ZMAT5: variants seen among roughly 807,000 people sequenced by gnomAD.
The protein encoded by ZMAT5 is zinc finger matrin-type 5, also known as zinc finger matrin-type protein 5.
ZMAT5 carries 23 observed loss-of-function variants against 28.0 expected under a neutral mutation model. That is an observed-to-expected ratio of 0.82 (90% confidence interval 0.59 to 1.16). ZMAT5 has a LOEUF of 1.16. Ranked by LOEUF, ZMAT5 falls within the 50% of genes most tolerant of loss-of-function variation. ZMAT5 has a pLI of 0.00. For synonymous variants in ZMAT5, 76 were observed against 84.1 expected, an observed-to-expected ratio of 0.90 and a Z score of 0.52; for missense variants, 173 against 212.7, an observed-to-expected ratio of 0.81 and a Z score of 1.16.
In ZMAT5 at chr22:29,738,310, GGAACCCTGGGGACCT is replaced by G. The variant is rs1427649567; in HGVS notation, c.383+5_383+19del. 2.5e-6 allele frequency: 4 copies of G among 1,603,662 alleles called. No homozygotes were observed. The highest frequency in any genetic ancestry group is 3.3e-5 in the Admixed American group (2 of 59,944). On this transcript the variant is annotated splice_donor_5th_base_variant and intron_variant, in intron 5 of 5. Coordinates refer to ENST00000344318, the MANE Select transcript of ZMAT5 (RefSeq NM_001003692.2). ...TTGCCCCCAGGGGGCACAGCGGGAG[GGAACCCTGGGGACCT>G]GTACCTGCTACTTGGGGCTGAGCTC...
intron 1 of ZMAT5, among the ~76,000 whole-genome samples, chr22:29,761,690 GA>G (rs962498097): frequency 2.7e-5 from 4 of 150,390 alleles, no homozygotes; most frequent in Non-Finnish European, 5.9e-5. Flanking sequence ...CTGTAATATT[GA>G]AAAAAAAATG....
chr22:29,732,719 GAC>G (rs2067861798), intron 5 of ZMAT5, among the ~76,000 whole-genome samples: 1 of 137,446 alleles, frequency 7.3e-6, no homozygotes, highest in Non-Finnish European at 1.5e-5. Flanking sequence ...CAGCCTGGGC[GAC>G]AGAGCGAGAC....
chr22:29,758,450 TACAA>T (rs903102106), intron 1 of ZMAT5, among the ~76,000 whole-genome samples: 10 of 152,282 alleles, frequency 6.6e-5, no homozygotes, highest in African/African-American at 2.2e-4. Flanking sequence ...ACCCTATCTC[TACAA>T]ACAGTTTGTT....
rs201840010 is a variant in ZMAT5, at chr22:29,742,434, C to T, written c.174G>A (p.Arg58=). The T allele has an allele frequency of 8.1e-6, 13 of 1,613,328 alleles. No homozygotes were observed. In the South Asian group the frequency reaches 1.3e-4, roughly 16 times the overall value. Residue 58 remains arginine, a synonymous_variant, in exon 3 of 6, where the codon AGG becomes AGA. Transcript: ENST00000344318. ...LLDEQNKRPC[R]KFLLTGQCDF... ...GGACTTTACCTGTCAGTAGAAACTT[C>T]CTGCAGGGCCGCTTGTTCTGCTCAT...
intron 1 of ZMAT5, among the ~76,000 whole-genome samples, chr22:29,764,890 T>C (rs1420928765): frequency 1.3e-5 from 2 of 152,146 alleles, no homozygotes; most frequent in African/African-American, 4.8e-5. Context: ...CTGCCTTGGA[T>C]TCCCAAAACA....
chr22:29,745,448 G>A (rs1363057820), intron 2 of ZMAT5, among the ~76,000 whole-genome samples: 1 of 152,210 alleles, frequency 6.6e-6, no homozygotes, highest in East Asian at 1.9e-4. Context: ...CTAGGCAGAG[G>A]GGCCCTATTT....
Position 29,731,055 on chromosome 22 carries a change from G to A in ZMAT5, c.*170C>T, listed in dbSNP as rs540115769. 18 of 593,910 alleles carry A rather than the reference G, an allele frequency of 3.0e-5. No homozygotes were observed. The East Asian group carries it at 4.4e-4, about 14-fold the overall frequency. 36.8% of individuals were successfully genotyped at this position (593,910 alleles called of 1,614,324 possible). A position where few individuals can be genotyped will look rare whatever the true frequency, so the allele number is the denominator to read the frequency against. ...GAGGAGAGTGAGGGGAGAGCTGCCC[G>A]GTGCAGACCCAGGACGAGGGCTGCA... is the stretch of plus-strand genomic sequence containing the variant. On this transcript the variant is annotated 3_prime_UTR_variant, in exon 6 of 6. Coordinates refer to ENST00000344318, the MANE Select transcript of ZMAT5 (RefSeq NM_001003692.2).
chr22:29,761,016 T>C (rs1025055382), intron 1 of ZMAT5, among the ~76,000 whole-genome samples: 1 of 152,192 alleles, frequency 6.6e-6, no homozygotes, highest in African/African-American at 2.4e-5. Context: ...GGCTCACGCC[T>C]GTAATCCCAG....
intron 5 of ZMAT5, among the ~76,000 whole-genome samples, chr22:29,737,104 C>A (rs558154757): frequency 5.5e-4 from 83 of 151,174 alleles, no homozygotes; most frequent in Non-Finnish European, 9.4e-4. Context: ...CCGAGGCAGG[C>A]GGATCACCTG....
At chr22:29,758,140 GA>G (rs1361762387) in intron 1 of ZMAT5, among the ~76,000 whole-genome samples, 1 of 152,130 alleles carries the variant, frequency 6.6e-6, no homozygotes, top group Non-Finnish European at 1.5e-5. Flanking sequence ...AAGGAACTGA[GA>G]CCCCCTGCTA....
chr22:29,738,239 T>C, intron 5 of ZMAT5, 91 bp downstream of exon 5: 1 of 1,269,438 alleles, frequency 7.9e-7, no homozygotes, highest in Non-Finnish European at 1.1e-6. Flanking sequence ...CCTGGGCAGT[T>C]CATGGAGATT....
chr22:29,732,563 C>G (rs1255627438), intron 5 of ZMAT5, among the ~76,000 whole-genome samples: 1 of 151,862 alleles, frequency 6.6e-6, no homozygotes, highest in Non-Finnish European at 1.5e-5. Context: ...TGGTGAAACC[C>G]CGTCTCTACT....
intron 1 of ZMAT5, among the ~76,000 whole-genome samples, chr22:29,750,884 G>T (rs1427467169): frequency 6.6e-6 from 1 of 152,192 alleles, no homozygotes; most frequent in Non-Finnish European, 1.5e-5. Context: ...GCAGCAGACA[G>T]GGACAGCAGC....
At chr22:29,746,815 T>C (rs868854877) in intron 2 of ZMAT5, 20 of 152,240 alleles carry the variant, frequency 1.3e-4, no homozygotes, top group African/African-American at 4.1e-4. Flanking sequence ...CAGCTGAGAA[T>C]CTGGGACTAG....
chr22:29,738,360 GCT>G lies in ZMAT5; in HGVS notation c.351_352del (p.Arg117SerfsTer10). ...ACTTGGGGCTGAGCTCAGCCGCTTG[GCT>G]CTCTTCTCCAGCCAGTCCTCCAGAT... On this transcript the variant is annotated frameshift_variant, in exon 5 of 6. Coordinates refer to ENST00000344318, the MANE Select transcript of ZMAT5 (RefSeq NM_001003692.2). LOFTEE classifies it high-confidence loss of function. The G allele has an allele frequency of 6.2e-7, 1 of 1,609,534 alleles. No homozygotes were observed. Among genetic ancestry groups the G allele is most frequent in the Non-Finnish European group, 8.5e-7 (1 of 1,179,634 alleles).
chr22:29,737,084 C>T (rs1006437030), intron 5 of ZMAT5, among the ~76,000 whole-genome samples: 15 of 148,920 alleles, frequency 1.0e-4, no homozygotes, highest in African/African-American at 3.7e-4. Context: ...ACACGTTGCA[C>T]TTTGGGAGGC....
intron 1 of ZMAT5, among the ~76,000 whole-genome samples, chr22:29,755,741 C>CACTT (rs140132): frequency 0.78 from 118,248 of 151,860 alleles, 46,551 homozygotes; most frequent in East Asian, 0.91. Context: ...ACAATAATGA[C>CACTT]ACATCAATAA....
At chr22:29,766,822 T>C (rs1206056370) in intron 1 of ZMAT5, 50 bp downstream of exon 1, 3 of 153,006 alleles carry the variant, frequency 2.0e-5, no homozygotes, top group African/African-American at 4.8e-5. Context: ...CGCCCCTCTA[T>C]CCACACCCTA....
intron 4 of ZMAT5, among the ~76,000 whole-genome samples, chr22:29,739,819 G>A (rs966216620): frequency 2.0e-5 from 3 of 152,254 alleles, no homozygotes; most frequent in African/African-American, 7.2e-5. Context: ...TTGGTCCCGG[G>A]GCTGCAGCCA....
Sources: gnomAD v4.1 joint callset for allele counts (sites outside exome capture counted in the v4.1 genomes callset) on GRCh38, gnomAD v4.1.1 for gene constraint, MANE v1.5 for transcripts, NCBI Gene and HGNC (gene_info 2026-07-23, HGNC 2026-07-21) for gene names.